Variants in IQANK1 observed in about 807,000 individuals in gnomAD.
IQANK1 encodes IQ motif and ankyrin repeat domain-containing protein 1.
IQANK1 carries 30 observed loss-of-function variants against 22.6 expected under a neutral mutation model. The ratio of observed to expected loss-of-function variants is 1.33; its 90% CI spans 0.99 to 1.80. The LOEUF (loss-of-function observed/expected upper bound fraction) is 1.80. Among genes scored for constraint, IQANK1 ranks in the 40% most tolerant of loss-of-function variants. The pLI is 0.00. For missense variants in IQANK1, 275 were observed against 235.2 expected (o/e 1.17, Z -1.11); for synonymous variants, 122 against 99.6 (o/e 1.23, Z -1.34).
intron 3 of IQANK1, among the ~76,000 whole-genome samples, chr8:143,747,115 G>C (rs556774855): frequency 6.6e-6 from 1 of 152,112 alleles, no homozygotes; most frequent in South Asian, 2.1e-4. Context: ...TCCTGACCTC[G>C]TGATCCACCC....
chr8:143,734,851 C>T (rs1167423234), intron 1 of IQANK1, among the ~76,000 whole-genome samples: 1 of 151,568 alleles, frequency 6.6e-6, no homozygotes, highest in African/African-American at 2.4e-5. Flanking sequence ...CAGCAACCCC[C>T]ACACACCACC....
chr8:143,760,279 C>G (rs1182824774), intron 3 of IQANK1: 1 of 152,226 alleles, frequency 6.6e-6, no homozygotes, highest in African/African-American at 2.4e-5. Flanking sequence ...AAATCAGTTG[C>G]ACAACTGTGT....
chr8:143,735,690 G>T lies in IQANK1; in HGVS notation c.-4-160G>T, dbSNP rs1207621949. Among the ~76,000 whole-genome samples, 1 of 152,066 alleles carries T rather than the reference G, an allele frequency of 6.6e-6. No individual in the cohort carries two copies. The highest frequency in any genetic ancestry group is 2.4e-5 in the African/African-American group (1 of 41,378). On this transcript the variant is annotated intron_variant, in intron 1 of 13. Coordinates refer to ENST00000527139, the MANE Select transcript of IQANK1 (RefSeq NM_001381874.1). This position sits in a 1 kb window ranked among gnomAD's most constrained non-coding sequence, Gnocchi z 5.2. ...GCTTCTGGGCACACACCCGGGGCGG[G>T]CAGGCAGACAGGACACCAGCTGGGA...
chr8:143,754,524 A>G (rs1338053139), intron 3 of IQANK1, among the ~76,000 whole-genome samples: 1 of 152,228 alleles, frequency 6.6e-6, no homozygotes, highest in African/African-American at 2.4e-5. Flanking sequence ...CAGTTTTGCT[A>G]CATGAGCCTC....
chr8:143,749,672 T>A (rs1819151167), intron 3 of IQANK1, among the ~76,000 whole-genome samples: 2 of 148,334 alleles, frequency 1.3e-5, no homozygotes, highest in South Asian at 4.2e-4. Flanking sequence ...CTCGGCTCAC[T>A]GCAATCTCCA....
intron 12 of IQANK1, 36 bp from the exon 13 acceptor site, chr8:143,790,101 T>C: frequency 2.4e-6 from 3 of 1,232,116 alleles, no homozygotes; most frequent in African/African-American, 1.5e-5. Context: ...GATTTGGGGT[T>C]TGGACAGACA....
chr8:143,763,216 A>G (rs1230374684), intron 3 of IQANK1, among the ~76,000 whole-genome samples: 1 of 151,990 alleles, frequency 6.6e-6, no homozygotes, highest in Non-Finnish European at 1.5e-5. Flanking sequence ...GGGTTTCACC[A>G]TGTCAGCCAG....
At chr8:143,781,882 C>T (rs1404490442) in intron 7 of IQANK1, among the ~76,000 whole-genome samples, 4 of 152,162 alleles carry the variant, frequency 2.6e-5, no homozygotes, top group African/African-American at 9.7e-5. Flanking sequence ...ATAGGAATAG[C>T]GTCGAATCTG....
chr8:143,779,052 C>A (rs531088023), intron 7 of IQANK1, among the ~76,000 whole-genome samples: 5 of 152,088 alleles, frequency 3.3e-5, no homozygotes, highest in Non-Finnish European at 5.9e-5. Flanking sequence ...CAGGTGTGAG[C>A]CACCATGCCC....
rs1819707837 is a variant in IQANK1, at chr8:143,777,387, G to T, written c.789+4905G>T. ...AAAAATTTGCTGGGCATGGTGGCAG[G>T]CGCCTGTAATCCCAGCTGCTCAGGG... On this transcript the variant is annotated intron_variant, in intron 7 of 13. Coordinates refer to ENST00000527139, the MANE Select transcript of IQANK1 (RefSeq NM_001381874.1). Among the ~76,000 whole-genome samples the T allele has an allele frequency of 2.0e-5, 3 of 151,704 alleles. No individual in the cohort carries two copies. The East Asian group carries it at 5.8e-4, about 30-fold the overall frequency.
At chr8:143,781,132 G>C (rs571428836) in intron 7 of IQANK1, among the ~76,000 whole-genome samples, 1 of 152,178 alleles carries the variant, frequency 6.6e-6, no homozygotes, top group African/African-American at 2.4e-5. Flanking sequence ...GTCTTATTTT[G>C]AAAAGTGTCT....
At position 143,758,457 on chromosome 8, in the gene IQANK1, C is replaced by T. The variant is rs1819332473; in HGVS notation, c.176-13031C>T. 1 of 152,058 alleles carries T rather than the reference C, an allele frequency of 6.6e-6. No individual in the cohort carries two copies. The highest frequency in any genetic ancestry group is 1.5e-5 in the Non-Finnish European group (1 of 68,142). 9.4% of individuals were successfully genotyped at this position (152,058 alleles called of 1,614,324 possible). On this transcript the variant is annotated intron_variant, in intron 3 of 13. Coordinates refer to ENST00000527139, the MANE Select transcript of IQANK1 (RefSeq NM_001381874.1). The surrounding 1 kb of genome is among the most constrained non-coding windows in gnomAD (Gnocchi z 4.2). The stretch of plus-strand genomic sequence containing the variant: ...CAGCCTGGGCAACAAGAGCGAAACT[C>T]CATCTCAAAAAGAAAAAAAAAAGAA...
chr8:143,784,622 T>C (rs889595879), intron 7 of IQANK1, among the ~76,000 whole-genome samples: 1 of 152,196 alleles, frequency 6.6e-6, no homozygotes, highest in African/African-American at 2.4e-5. Context: ...TACATGTCCA[T>C]TGAGGGTTAA....
intron 3 of IQANK1, among the ~76,000 whole-genome samples, chr8:143,747,078 A>C (rs1819047279): frequency 6.6e-6 from 1 of 151,836 alleles, no homozygotes; most frequent in Non-Finnish European, 1.5e-5. Context: ...ACTGGGTTTC[A>C]CCCTGTTAGC....
At chr8:143,763,601 C>G (rs1467629285) in intron 3 of IQANK1, among the ~76,000 whole-genome samples, 1 of 152,216 alleles carries the variant, frequency 6.6e-6, no homozygotes, top group Admixed American at 6.5e-5. Context: ...GTTGGTTACA[C>G]AGCCTGGCAT....
rs1435472277 is a variant in IQANK1, at chr8:143,790,270, C to T, written c.1423C>T (p.Arg475Trp). 6.1e-5 allele frequency: 75 copies of T among 1,232,154 alleles called. No individual in the cohort carries two copies. Among genetic ancestry groups the T allele is most frequent in the Non-Finnish European group, 7.4e-5 (73 of 988,064 alleles). 76.3% of individuals were successfully genotyped at this position (1,232,154 alleles called of 1,614,324 possible). A position where few individuals can be genotyped will look rare whatever the true frequency, so the allele number is the denominator to read the frequency against. ...TMWLALLGALRYGKPLVFDLR... is the reference protein window; with the variant it reads ...TMWLALLGALWYGKPLVFDLR... The stretch of plus-strand genomic sequence containing the variant: ...GTGGCTGGCTCTGCTGGGGGCTCTG[C>T]GGTGAGGCAGGCAGGGTGACAGGTA... Residue 475 changes from arginine (R) to tryptophan (W), a missense_variant and splice_region_variant, in exon 13 of 14, where the codon CGG (arginine) becomes TGG (tryptophan). Coordinates refer to ENST00000527139, the MANE Select transcript of IQANK1 (RefSeq NM_001381874.1).
intron 3 of IQANK1, chr8:143,742,299 C>T (rs1443962701): frequency 4.5e-6 from 2 of 440,660 alleles, no homozygotes; most frequent in African/African-American, 4.0e-5. Context: ...TGATGAGGTG[C>T]CCCCCGGGGG....
Position 143,758,496 on chromosome 8 carries a change from A to G in IQANK1, c.176-12992A>G, listed in dbSNP as rs140570239. On this transcript the variant is annotated intron_variant, in intron 3 of 13. Coordinates refer to ENST00000527139, the MANE Select transcript of IQANK1 (RefSeq NM_001381874.1). This position sits in a 1 kb window ranked among gnomAD's most constrained non-coding sequence, Gnocchi z 4.2. ...AAAAAAAAAGAAGATGAAACATTTT[A>G]TCTGGGTGAAGGGATGATTTAACTC... The G allele has an allele frequency of 1.3e-5, 2 of 152,392 alleles. No homozygotes were observed. The highest frequency in any genetic ancestry group is 2.9e-5 in the Non-Finnish European group (2 of 68,096). The allele number at this position is 152,392 out of a possible 1,614,324, so 9.4% of individuals were successfully genotyped here.
In IQANK1 at chr8:143,762,933, C is replaced by T. The variant is rs538996586; in HGVS notation, c.176-8555C>T. Reference sequence around the variant, plus strand: ...TGTGGTAGGAAATTCATGACCCTCCCTCTTTTCTTTTTTTTTCTTTTCTCT... The same window carrying T: ...TGTGGTAGGAAATTCATGACCCTCCTTCTTTTCTTTTTTTTTCTTTTCTCT... On this transcript the variant is annotated intron_variant, in intron 3 of 13. Transcript: ENST00000527139. Among the ~76,000 whole-genome samples the T allele has an allele frequency of 4.5e-4, 68 of 151,532 alleles. No individual in the cohort carries two copies. The South Asian group carries it at 6.0e-3, about 13-fold the overall frequency.
Sources: allele counts gnomAD v4.1 joint callset (sites outside exome capture counted in the v4.1 genomes callset), GRCh38; gene constraint gnomAD v4.1.1; non-coding constraint Gnocchi (gnomAD v3.1); transcripts MANE v1.5; gene names NCBI Gene and HGNC (gene_info 2026-07-23, HGNC 2026-07-21).